NRCAM: variants seen among roughly 807,000 people sequenced by gnomAD.
NRCAM encodes NgCAM-related cell adhesion molecule.
In NRCAM, 83 loss-of-function variants were observed where a neutral mutation model predicts 156.5. The observed-to-expected ratio is 0.53, with a 90% confidence interval of 0.44 to 0.64. The LOEUF (loss-of-function observed/expected upper bound fraction) is 0.64, where lower values mean the gene tolerates loss of function less well. NRCAM is among the 30% of genes least tolerant of loss of function. The pLI is 0.00. For missense variants in NRCAM, 1,417 were observed against 1,597.3 expected (o/e 0.89, Z 1.92); for synonymous variants, 538 against 563.9 (o/e 0.95, Z 0.65).
At chr7:108,297,353 C>T (rs558524348) in intron 3 of NRCAM, among the ~76,000 whole-genome samples, 22 of 152,326 alleles carry the variant, frequency 1.4e-4, no homozygotes, top group African/African-American at 5.1e-4. Flanking sequence ...AATACCCTTT[C>T]CTCCTGCTAG....
In NRCAM at chr7:108,150,039, A is replaced by AT; in HGVS notation, c.3785_3786insA (p.Asn1263Ter). On this transcript the variant is annotated frameshift_variant, in exon 33 of 33. Coordinates refer to ENST00000379028, the MANE Select transcript of NRCAM (RefSeq NM_001037132.4). LOFTEE classifies it high-confidence loss of function. Reference sequence around the variant, plus strand: ...AGCCATCCTCATTGAACTGGCCATTAACCCCTTCTCCATAGTCAACTAGGC... The same window carrying AT: ...AGCCATCCTCATTGAACTGGCCATTATACCCCTTCTCCATAGTCAACTAGGC... 1 of 1,614,062 alleles carries AT rather than the reference A, an allele frequency of 6.2e-7. No individual in the cohort carries two copies. The highest frequency in any genetic ancestry group is 2.2e-5 in the East Asian group (1 of 44,888).
chr7:108,190,179 T>TA (rs954949468), intron 19 of NRCAM, among the ~76,000 whole-genome samples: 3 of 152,058 alleles, frequency 2.0e-5, no homozygotes, highest in African/African-American at 7.2e-5. Flanking sequence ...ATGTTCTTTC[T>TA]AAAAAAAATG....
chr7:108,202,231 T>G (rs2078569486), intron 13 of NRCAM, among the ~76,000 whole-genome samples: 1 of 152,178 alleles, frequency 6.6e-6, no homozygotes, highest in Admixed American at 6.5e-5. Context: ...CAGAAAATAC[T>G]TATAACCCAA....
chr7:108,392,943 G>T (rs981826745), intron 2 of NRCAM, among the ~76,000 whole-genome samples: 1 of 152,154 alleles, frequency 6.6e-6, no homozygotes, highest in African/African-American at 2.4e-5. Flanking sequence ...TCTCAGAGGG[G>T]TACCCAGCCG....
intron 28 of NRCAM, among the ~76,000 whole-genome samples, chr7:108,170,481 C>T (rs184216856): frequency 1.4e-4 from 21 of 152,176 alleles, no homozygotes; most frequent in African/African-American, 3.6e-4. Context: ...TTGCCTCCTT[C>T]GGAGAGTCTC....
chr7:108,374,123 T>C (rs545675336), intron 2 of NRCAM, among the ~76,000 whole-genome samples: 1 of 152,228 alleles, frequency 6.6e-6, no homozygotes, highest in African/African-American at 2.4e-5. Context: ...CATAACCTAA[T>C]ACTTAGTACT....
chr7:108,284,276 T>A (rs2097984133), intron 3 of NRCAM, among the ~76,000 whole-genome samples: 1 of 152,156 alleles, frequency 6.6e-6, no homozygotes, highest in Non-Finnish European at 1.5e-5. Flanking sequence ...CACACTCCTG[T>A]CTCCTCCTTC....
At position 108,393,602 on chromosome 7, in the gene NRCAM, T is replaced by C. The variant is rs144088357; in HGVS notation, c.-174+5834A>G. On this transcript the variant is annotated intron_variant, in intron 2 of 32. Transcript: ENST00000379028. ...CTGCACCCACTGTCCTGCACCCCTG[T>C]CCGACAAGCCCCAGTGAGATGAACC... 1.1e-3 allele frequency among the ~76,000 whole-genome samples: 162 copies of C among 152,208 alleles called. 3 individuals are homozygous for C. In the East Asian group the frequency reaches 0.029, roughly 27 times the overall value.
chr7:108,184,798 C>T (rs1048309745), intron 20 of NRCAM, among the ~76,000 whole-genome samples, 184 bp from the exon 21 acceptor site: 10 of 152,104 alleles, frequency 6.6e-5, no homozygotes, highest in African/African-American at 2.4e-4. Context: ...CATATAAACA[C>T]ACATGATAAC....
intron 3 of NRCAM, among the ~76,000 whole-genome samples, chr7:108,264,941 G>A (rs911700916): frequency 2.6e-4 from 39 of 152,218 alleles, no homozygotes; most frequent in East Asian, 7.7e-4. Flanking sequence ...GTCTCCAACC[G>A]GACAGAAAAT....
chr7:108,448,119 G>A (rs1563855517), intron 1 of NRCAM, among the ~76,000 whole-genome samples: 1 of 152,068 alleles, frequency 6.6e-6, no homozygotes, highest in Non-Finnish European at 1.5e-5. Context: ...ACATAACCAT[G>A]GAGTTTTTTA....
intron 1 of NRCAM, among the ~76,000 whole-genome samples, chr7:108,424,424 G>A (rs182377878): frequency 1.3e-5 from 2 of 152,208 alleles, no homozygotes; most frequent in Non-Finnish European, 2.9e-5. Context: ...GTCTCAAACT[G>A]ATAATTACAG....
chr7:108,401,202 T>C (rs1169475115), intron 1 of NRCAM, among the ~76,000 whole-genome samples: 1 of 152,024 alleles, frequency 6.6e-6, no homozygotes, highest in African/African-American at 2.4e-5. Context: ...ATGGCGCCAC[T>C]GCACCAGCCT....
At chr7:108,361,529 A>T (rs1182332281) in intron 2 of NRCAM, among the ~76,000 whole-genome samples, 1 of 152,156 alleles carries the variant, frequency 6.6e-6, no homozygotes, top group Non-Finnish European at 1.5e-5. Context: ...CAGTTTTTGA[A>T]TTGGGACATT....
At chr7:108,427,203 A>G (rs1193097605) in intron 1 of NRCAM, among the ~76,000 whole-genome samples, 1 of 151,888 alleles carries the variant, frequency 6.6e-6, no homozygotes, top group African/African-American at 2.4e-5. Flanking sequence ...TCCAGGGATT[A>G]CTTCCTTCCC....
At chr7:108,327,771 C>G (rs972973618) in intron 2 of NRCAM, among the ~76,000 whole-genome samples, 2 of 152,072 alleles carry the variant, frequency 1.3e-5, no homozygotes, top group Non-Finnish European at 2.9e-5. Context: ...ACAGGAGAAT[C>G]AATACAAAAA....
intron 3 of NRCAM, among the ~76,000 whole-genome samples, chr7:108,306,358 A>C (rs898711132): frequency 6.6e-6 from 1 of 152,242 alleles, no homozygotes; most frequent in South Asian, 2.1e-4. Context: ...GCTTTTACCA[A>C]TGTTAAAGGT....
At chr7:108,182,363 T>A (rs961712839) in intron 23 of NRCAM, among the ~76,000 whole-genome samples, 10 of 152,036 alleles carry the variant, frequency 6.6e-5, no homozygotes, top group African/African-American at 2.4e-4. Context: ...ACAGTATTCC[T>A]GGGTGCAAAA....
At chr7:108,436,475 A>G (rs1039585412) in intron 1 of NRCAM, among the ~76,000 whole-genome samples, 3 of 152,192 alleles carry the variant, frequency 2.0e-5, no homozygotes, top group Admixed American at 6.5e-5. Flanking sequence ...AGATAAAGTG[A>G]TATGCCTTCA....
Sources: gnomAD v4.1 joint callset for allele counts (sites outside exome capture counted in the v4.1 genomes callset) on GRCh38, gnomAD v4.1.1 for gene constraint, MANE v1.5 for transcripts, NCBI Gene and HGNC (gene_info 2026-07-23, HGNC 2026-07-21) for gene names.